The following ZBTB38 variants were observed in gnomAD, a reference collection of about 807,000 sequenced individuals.
ZBTB38 encodes zinc finger and BTB domain containing 38.
A neutral mutation model predicts 76.8 loss-of-function variants in ZBTB38; 20 were observed. That is an observed-to-expected ratio of 0.26 (90% CI 0.18 to 0.38). ZBTB38 has a LOEUF of 0.38. Ranked by LOEUF, ZBTB38 falls within the 10% of genes least tolerant of loss-of-function variation. ZBTB38 has a pLI of 1.00. For missense variants in ZBTB38, 1,082 were observed against 1,482.3 expected (o/e 0.73, Z 4.43); for synonymous variants, 504 against 544.2 (o/e 0.93, Z 1.03).
chr3:141,443,004 A>G lies in ZBTB38; in HGVS notation c.616A>G (p.Thr206Ala), dbSNP rs769227270. The G allele has an allele frequency of 1.2e-6, 2 of 1,614,098 alleles. No individual in the cohort carries two copies. Among genetic ancestry groups the G allele is most frequent in the African/African-American group, 2.7e-5 (2 of 74,924 alleles). ...AACAGCTAGCCTTTGCCTGGAGAGG[A>G]CGGACGTCTGCCACGAGGCAGAGCC... Reference protein sequence around the residue: ...MRTASLCLERTDVCHEAEPVR... With the variant: ...MRTASLCLERADVCHEAEPVR... Residue 206 changes from threonine to alanine, a missense_variant, in exon 6 of 6, where the codon ACG becomes GCG. Physicochemically the swap from Thr to Ala is moderately conservative, Grantham distance 58. Transcript: ENST00000321464. The surrounding 1 kb of genome is among the most constrained non-coding windows in gnomAD (Gnocchi z 5.6).
At chr3:141,374,727 G>A (rs1352035999) in intron 2 of ZBTB38, among the ~76,000 whole-genome samples, 1 of 152,048 alleles carries the variant, frequency 6.6e-6, no homozygotes, top group Non-Finnish European at 1.5e-5. Flanking sequence ...ATCACTAGAT[G>A]GTCTTTGAAA....
intron 5 of ZBTB38, among the ~76,000 whole-genome samples, chr3:141,412,948 C>A (rs1957154249): frequency 6.6e-6 from 1 of 152,222 alleles, no homozygotes; most frequent in East Asian, 1.9e-4. Context: ...CTGCCAAGCG[C>A]CTGCGTCTCC....
At position 141,442,950 on chromosome 3, in the gene ZBTB38, A is replaced by C; in HGVS notation, c.562A>C (p.Ser188Arg). 6.2e-7 allele frequency: 1 copy of C among 1,614,254 alleles called. No homozygotes were observed. The highest frequency in any genetic ancestry group is 2.2e-5 in the East Asian group (1 of 44,888). ...GTTTTCCCCGCTGGACTTGAGGGCA[A>C]GTTTCAAAAAGGTCTCCGACTCCAT... is the stretch of plus-strand genomic sequence containing the variant. Reference protein sequence around the residue: ...NMFSPLDLRASFKKVSDSMRT... With the variant: ...NMFSPLDLRARFKKVSDSMRT... Residue 188 changes from serine (S) to arginine (R), a missense_variant, in exon 6 of 6, where the codon AGT (serine) becomes CGT (arginine). Physicochemically the swap from Ser to Arg is moderately radical, Grantham distance 110. This residue lies in a region of ZBTB38 where 324 missense variants were observed against 359.1 expected (regional missense o/e 0.90). Transcript: ENST00000321464. The surrounding 1 kb of genome is among the most constrained non-coding windows in gnomAD (Gnocchi z 6.4).
chr3:141,428,713 T>C (rs1337645844), intron 5 of ZBTB38, among the ~76,000 whole-genome samples: 1 of 152,166 alleles, frequency 6.6e-6, no homozygotes, highest in Non-Finnish European at 1.5e-5. Flanking sequence ...TGACCTCAGA[T>C]GATCCTCCTG....
intron 1 of ZBTB38, among the ~76,000 whole-genome samples, chr3:141,344,861 C>T (rs148551915): frequency 5.5e-4 from 84 of 152,342 alleles, no homozygotes; most frequent in Non-Finnish European, 9.6e-4. Context: ...TCTGCAAAGC[C>T]TCTCTTGCCA....
chr3:141,381,609 C>A (rs543784030), intron 3 of ZBTB38, 122 bp downstream of exon 3: 2 of 152,208 alleles, frequency 1.3e-5, no homozygotes, highest in African/African-American at 2.4e-5. Flanking sequence ...TTCACCCAAC[C>A]CTTCATTCTA....
intron 1 of ZBTB38, among the ~76,000 whole-genome samples, chr3:141,348,486 A>G (rs1943428405): frequency 6.6e-6 from 1 of 152,224 alleles, no homozygotes; most frequent in Admixed American, 6.5e-5. Flanking sequence ...GTCTTTCCTG[A>G]ACCTTAGCCT....
In ZBTB38 at chr3:141,355,935, C is replaced by T. The variant is rs368484866; in HGVS notation, c.-738-12686C>T. On this transcript the variant is annotated intron_variant, in intron 1 of 7. Coordinates refer to the ZBTB38 transcript ENST00000509842. ...CTGAGGAAGGAGAGCCAGCCCAAGACACAAAATTCAAAGCTAAGAAGAAAT... is the reference window on the plus strand; with the variant it reads ...CTGAGGAAGGAGAGCCAGCCCAAGATACAAAATTCAAAGCTAAGAAGAAAT... Among the ~76,000 whole-genome samples the T allele has an allele frequency of 5.3e-5, 8 of 152,260 alleles. No individual in the cohort carries two copies. The South Asian group carries it at 8.3e-4, about 16-fold the overall frequency.
chr3:141,355,146 CCT>C (rs1943623882), intron 1 of ZBTB38, among the ~76,000 whole-genome samples: 3 of 152,134 alleles, frequency 2.0e-5, no homozygotes, highest in East Asian at 1.9e-4. Flanking sequence ...TACAAGCACT[CCT>C]CTCTTTCCAG....
intron 1 of ZBTB38, among the ~76,000 whole-genome samples, chr3:141,326,295 C>T (rs1055901544): frequency 6.6e-6 from 1 of 152,146 alleles, no homozygotes; most frequent in Non-Finnish European, 1.5e-5. Context: ...TTAATGTTTA[C>T]ATGACATTGA....
In ZBTB38 at chr3:141,443,300, C is replaced by T. The variant is rs2080625769; in HGVS notation, c.912C>T (p.Leu304=). 6.2e-7 allele frequency: 1 copy of T among 1,614,176 alleles called. No individual in the cohort carries two copies. Among genetic ancestry groups the T allele is most frequent in the Non-Finnish European group, 8.5e-7 (1 of 1,180,030 alleles). ...QERSPQPAAV[L]TRSKSPNNEG... ...GAAGTCCACAACCAGCTGCTGTTCT[C>T]ACTCGTTCAAAATCTCCAAACAATG... Residue 304 remains leucine (L), a synonymous_variant, in exon 6 of 6, where the codon CTC becomes CTT. Transcript: ENST00000321464. The surrounding 1 kb of genome is among the most constrained non-coding windows in gnomAD (Gnocchi z 5.6).
At chr3:141,407,221 G>A (rs1040292575) in intron 5 of ZBTB38, among the ~76,000 whole-genome samples, 3 of 152,324 alleles carry the variant, frequency 2.0e-5, no homozygotes, top group African/African-American at 2.4e-5. Context: ...TGACATGTGC[G>A]TGTCTGCGCA....
At chr3:141,423,144 G>A (rs2075751605) in intron 5 of ZBTB38, among the ~76,000 whole-genome samples, 1 of 152,134 alleles carries the variant, frequency 6.6e-6, no homozygotes. Flanking sequence ...CTTAGAGGAA[G>A]CTCTTAAAGC....
chr3:141,390,540 G>A (rs1015988497), intron 4 of ZBTB38, among the ~76,000 whole-genome samples: 1 of 152,192 alleles, frequency 6.6e-6, no homozygotes, highest in African/African-American at 2.4e-5. Context: ...GAGATGGACT[G>A]GGAATCAGAC....
chr3:141,418,189 T>C (rs1251372639), intron 5 of ZBTB38, among the ~76,000 whole-genome samples: 2 of 151,994 alleles, frequency 1.3e-5, no homozygotes, highest in African/African-American at 2.4e-5. Context: ...CCCAAACTCA[T>C]CCAGTATTGG....
In ZBTB38 at chr3:141,443,404, C is replaced by T. The variant is rs1336231737; in HGVS notation, c.1016C>T (p.Pro339Leu). The T allele has an allele frequency of 1.9e-6, 3 of 1,614,114 alleles. No individual in the cohort carries two copies. The highest frequency in any genetic ancestry group is 2.5e-6 in the Non-Finnish European group (3 of 1,180,060). The change falls in exon 6 of 6, where the codon CCT becomes CTT. Residue 339 changes from proline (P) to leucine (L), a missense_variant. This residue lies in a region of ZBTB38 where 324 missense variants were observed against 359.1 expected (regional missense o/e 0.90). Transcript: ENST00000321464. The surrounding 1 kb of genome is among the most constrained non-coding windows in gnomAD (Gnocchi z 5.6). ...GGGCCGCCAGCCGCAGAGGTTCCAC[C>T]TCTGGTGTACAATTGTAGCTGCTGT... ...VPGPPAAEVP[P>L]LVYNCSCCSK... is the part of the protein sequence containing the mutation.
intron 1 of ZBTB38, among the ~76,000 whole-genome samples, chr3:141,359,079 G>A (rs144998162): frequency 2.0e-5 from 3 of 152,320 alleles, no homozygotes; most frequent in African/African-American, 7.2e-5. Flanking sequence ...AAATGACAAA[G>A]ACATATTATC....
At chr3:141,438,020 T>C (rs2079189128) in intron 5 of ZBTB38, among the ~76,000 whole-genome samples, 1 of 151,996 alleles carries the variant, frequency 6.6e-6, no homozygotes, top group African/African-American at 2.4e-5. Context: ...CAAGCAATTC[T>C]TCTGCCTCAG....
At chr3:141,393,346 A>G (rs1949438483) in intron 4 of ZBTB38, among the ~76,000 whole-genome samples, 1 of 152,240 alleles carries the variant, frequency 6.6e-6, no homozygotes, top group South Asian at 2.1e-4. Context: ...CATGACGTAG[A>G]GTCCCTGCCC....
Sources: gnomAD v4.1 joint callset for allele counts (sites outside exome capture counted in the v4.1 genomes callset) on GRCh38, gnomAD v4.1.1 for gene constraint, gnomAD v4.1.1 regional missense constraint, Gnocchi (gnomAD v3.1) non-coding constraint, MANE v1.5 for transcripts, NCBI Gene and HGNC (gene_info 2026-07-23, HGNC 2026-07-21) for gene names.